Variants in PCDHGA7 observed in about 807,000 individuals in gnomAD.
PCDHGA7 encodes protocadherin gamma-A7.
In PCDHGA7, 44 loss-of-function variants were observed where a neutral mutation model predicts 58.3. The ratio of observed to expected loss-of-function variants is 0.75; its 90% CI spans 0.59 to 0.97. The LOEUF (loss-of-function observed/expected upper bound fraction) is 0.97, where lower values mean the gene tolerates loss of function less well. Among genes scored for constraint, PCDHGA7 ranks in the 50% least tolerant of loss-of-function variants. PCDHGA7 has a pLI of 0.00. For synonymous variants in PCDHGA7, 516 were observed against 504.2 expected (o/e 1.02, Z -0.31); for missense variants, 1,266 against 1,188.7 (o/e 1.06, Z -0.96).
rs1449605701 is a variant in PCDHGA7 at position 141,485,191 on chromosome 5, A to C, written c.2425-9616A>C. ...CGGCAGCAATGCTCCGCAAGGTGAG[A>C]AGCTGGACAGAAATCTGGCGGTGGG... is the stretch of plus-strand genomic sequence containing the variant. On this transcript the variant is annotated intron_variant, in intron 1 of 3. Coordinates refer to ENST00000518325, the MANE Select transcript of PCDHGA7 (RefSeq NM_018920.4). This position sits in a 1 kb window ranked among gnomAD's most constrained non-coding sequence, Gnocchi z 5.7. The C allele has an allele frequency of 6.2e-7, 1 of 1,613,836 alleles. No individual in the cohort carries two copies. The highest frequency in any genetic ancestry group is 1.3e-5 in the African/African-American group (1 of 75,042).
chr5:141,490,978 C>T lies in PCDHGA7; in HGVS notation c.2425-3829C>T. 6.2e-7 allele frequency: 1 copy of T among 1,614,100 alleles called. No individual in the cohort carries two copies. Among genetic ancestry groups the T allele is most frequent in the Non-Finnish European group, 8.5e-7 (1 of 1,180,034 alleles). ...GGAACACTCAGCCCCCCAGCGTCTC[C>T]CTCGCTCTGCTCCTCCTGGCTCCTT... is the stretch of plus-strand genomic sequence containing the variant. On this transcript the variant is annotated intron_variant, in intron 1 of 3. Coordinates refer to ENST00000518325, the MANE Select transcript of PCDHGA7 (RefSeq NM_018920.4). The surrounding 1 kb of genome is among the most constrained non-coding windows in gnomAD (Gnocchi z 5.4).
chr5:141,407,735 T>C (rs2094975330), intron 1 of PCDHGA7, among the ~76,000 whole-genome samples: 1 of 152,246 alleles, frequency 6.6e-6, no homozygotes, highest in Non-Finnish European at 1.5e-5. Context: ...GTTCACTATA[T>C]ATACTCCCTA....
At chr5:141,427,450 CT>C in intron 1 of PCDHGA7, 1 of 486,442 alleles carries the variant, frequency 2.1e-6, no homozygotes, top group South Asian at 1.5e-5. Flanking sequence ...GAAAGAGTTC[CT>C]TTTAGAATCG....
chr5:141,389,721 G>C (rs1477842058), intron 1 of PCDHGA7: 7 of 1,612,620 alleles, frequency 4.3e-6, no homozygotes, highest in Non-Finnish European at 5.1e-6. Context: ...TAGCGAGCCC[G>C]GGCTCTTCAG....
intron 2 of PCDHGA7, among the ~76,000 whole-genome samples, chr5:141,504,794 A>G (rs2099841154): frequency 6.6e-6 from 1 of 151,718 alleles, no homozygotes; most frequent in African/African-American, 2.4e-5. Flanking sequence ...GGCCTCCTAC[A>G]TCTCCCCCTA....
At chr5:141,438,649 CACAT>C (rs2098044358) in intron 1 of PCDHGA7, among the ~76,000 whole-genome samples, 1 of 100,976 alleles carries the variant, frequency 9.9e-6, no homozygotes, top group Non-Finnish European at 2.0e-5. Context: ...CACACACACA[CACAT>C]ATATGTATAT....
intron 1 of PCDHGA7, among the ~76,000 whole-genome samples, chr5:141,452,522 A>G (rs924248463): frequency 6.6e-6 from 1 of 152,310 alleles, no homozygotes; most frequent in African/African-American, 2.4e-5. Context: ...CTCCCTCAAA[A>G]TCGTGAGTTC....
At chr5:141,407,453 C>T (rs914537742) in intron 1 of PCDHGA7, among the ~76,000 whole-genome samples, 4 of 148,722 alleles carry the variant, frequency 2.7e-5, no homozygotes, top group Non-Finnish European at 6.0e-5. Flanking sequence ...ACACGAGGCT[C>T]ACCAGACAGA....
chr5:141,390,556 CAGTTGTTGG>C, intron 1 of PCDHGA7: 2 of 454,162 alleles, frequency 4.4e-6, no homozygotes, highest in Admixed American at 3.9e-5. Flanking sequence ...AAGTGTTAGA[CAGTTGTTGG>C]CTCTCTCCTA....
rs200646513 is a variant in PCDHGA7, at chr5:141,421,389, G to A, written c.2424+36066G>A. ...TGGGCAATATCTCCAAGGACCTGGG[G>A]CTGGAGCCCCGGGAGCTGGCGAAGC... On this transcript the variant is annotated intron_variant, in intron 1 of 3. Coordinates refer to ENST00000518325, the MANE Select transcript of PCDHGA7 (RefSeq NM_018920.4). The A allele has an allele frequency of 1.7e-3, 2,771 of 1,614,052 alleles. 5 individuals carry two copies. The highest frequency in any genetic ancestry group is 2.2e-3 in the Non-Finnish European group (2,560 of 1,179,918).
chr5:141,493,962 T>C lies in PCDHGA7; in HGVS notation c.2425-845T>C, dbSNP rs550317675. 6.6e-6 allele frequency among the ~76,000 whole-genome samples: 1 copy of C among 152,320 alleles called. No homozygotes were observed. Among genetic ancestry groups the C allele is most frequent in the African/African-American group, 2.4e-5 (1 of 41,578 alleles). ...AGAAGGGACTCAGGAATGAAGTGGC[T>C]GGCCAGAGCCCCACACCTTCAGCTA... is the stretch of plus-strand genomic sequence containing the variant. On this transcript the variant is annotated intron_variant, in intron 1 of 3. Coordinates refer to ENST00000518325, the MANE Select transcript of PCDHGA7 (RefSeq NM_018920.4). This position sits in a 1 kb window ranked among gnomAD's most constrained non-coding sequence, Gnocchi z 4.3.
chr5:141,450,829 A>ATTTTTT (rs373424450), intron 1 of PCDHGA7, among the ~76,000 whole-genome samples: 1 of 135,126 alleles, frequency 7.4e-6, no homozygotes. Context: ...TATTATTATT[A>ATTTTTT]TTTTTTTTTT....
chr5:141,446,936 C>G (rs935365668), intron 1 of PCDHGA7, among the ~76,000 whole-genome samples: 3 of 152,176 alleles, frequency 2.0e-5, no homozygotes, highest in African/African-American at 7.2e-5. Context: ...CTCTTTTTCA[C>G]TGTAAGAAAC....
At position 141,490,490 on chromosome 5, in the gene PCDHGA7, C is replaced by T; in HGVS notation, c.2425-4317C>T. 1 of 1,614,184 alleles carries T rather than the reference C, an allele frequency of 6.2e-7. No homozygotes were observed. The highest frequency in any genetic ancestry group is 8.5e-7 in the Non-Finnish European group (1 of 1,180,028). The stretch of plus-strand genomic sequence containing the variant: ...AGCCAGCCTTTGGACCGGGAGGCCA[C>T]ATCCCACTATATCATCGAGCTGCTG... On this transcript the variant is annotated intron_variant, in intron 1 of 3. Coordinates refer to ENST00000518325, the MANE Select transcript of PCDHGA7 (RefSeq NM_018920.4). The surrounding 1 kb of genome is among the most constrained non-coding windows in gnomAD (Gnocchi z 5.4).
chr5:141,433,209 T>A, intron 1 of PCDHGA7: 3 of 465,024 alleles, frequency 6.5e-6, no homozygotes, highest in South Asian at 1.0e-4. Context: ...ATCTTCTTTC[T>A]TTTTTTTTTT....
chr5:141,423,744 A>T, intron 1 of PCDHGA7: 4 of 429,458 alleles, frequency 9.3e-6, no homozygotes, highest in Non-Finnish European at 8.7e-6. Context: ...TGTTATGAAA[A>T]CTGTTTGGGG....
intron 1 of PCDHGA7, chr5:141,422,628 C>A: frequency 6.2e-7 from 1 of 1,613,410 alleles, no homozygotes; most frequent in Non-Finnish European, 8.5e-7. Context: ...AAAACAACCC[C>A]AGGGGTGCCT....
At chr5:141,461,607 A>C (rs74634930) in intron 1 of PCDHGA7, among the ~76,000 whole-genome samples, 8,353 of 152,212 alleles carry the variant, frequency 0.055, 473 homozygotes, top group African/African-American at 0.15. Flanking sequence ...AATTTAGTTC[A>C]AAGTATTTTC....
At chr5:141,420,245 G>A (rs72790042) in intron 1 of PCDHGA7, 83,459 of 1,583,130 alleles carry the variant, frequency 0.053, 2,452 homozygotes, top group African/African-American at 0.1. Context: ...AACTCCCAGC[G>A]TTGAAGCAGA....
Sources: allele counts gnomAD v4.1 joint callset (sites outside exome capture counted in the v4.1 genomes callset), GRCh38; gene constraint gnomAD v4.1.1; non-coding constraint Gnocchi (gnomAD v3.1); transcripts MANE v1.5; gene names NCBI Gene and HGNC (gene_info 2026-07-23, HGNC 2026-07-21).